Variants in FMN1 observed in about 807,000 individuals in gnomAD.
The protein encoded by FMN1 is formin 1.
A neutral mutation model predicts 132.4 loss-of-function variants in FMN1; 110 were observed. That is an observed-to-expected ratio of 0.83 (90% CI 0.71 to 0.97). FMN1 has a LOEUF of 0.97. FMN1 is among the 50% of genes least tolerant of loss of function. FMN1 has a pLI of 0.00. For synonymous variants in FMN1, 722 were observed against 651.7 expected, an observed-to-expected ratio of 1.11 and a Z score of -1.64; for missense variants, 1,792 against 1,705.3, an observed-to-expected ratio of 1.05 and a Z score of -0.90.
At chr15:32,961,454 A>G (rs1172387494) in intron 9 of FMN1, among the ~76,000 whole-genome samples, 1 of 152,058 alleles carries the variant, frequency 6.6e-6, no homozygotes, top group Admixed American at 6.6e-5. Flanking sequence ...TTTTATAGAG[A>G]AGGGAAAATA....
intron 4 of FMN1, among the ~76,000 whole-genome samples, chr15:33,138,340 C>A (rs1963862157): frequency 6.6e-6 from 1 of 152,104 alleles, no homozygotes; most frequent in African/African-American, 2.4e-5. Context: ...GCAGCTGTTG[C>A]TCCTTATCCT....
At chr15:33,105,804 G>A (rs1256621070) in intron 4 of FMN1, 2 of 137,748 alleles carry the variant, frequency 1.5e-5, no homozygotes, top group Non-Finnish European at 3.1e-5. Flanking sequence ...TGTTGTAATA[G>A]GACAAGAAAA....
At position 32,876,298 on chromosome 15, in the gene FMN1, T is replaced by C. The variant is rs115058415; in HGVS notation, c.3835+11874A>G. On this transcript the variant is annotated intron_variant, in intron 16 of 20. Transcript: ENST00000616417. ...TGTCAAAAGGTACTATTTCTATAAG[T>C]TTTAATGAAAGAAGCTAAAATATTG... Among the ~76,000 whole-genome samples the C allele has an allele frequency of 1.3e-3, 203 of 152,286 alleles. 1 individual carries two copies. The highest frequency in any genetic ancestry group is 4.7e-3 in the African/African-American group (194 of 41,562).
At chr15:33,042,050 G>T (rs1210448050) in intron 6 of FMN1, among the ~76,000 whole-genome samples, 1 of 151,852 alleles carries the variant, frequency 6.6e-6, no homozygotes, top group Non-Finnish European at 1.5e-5. Flanking sequence ...AAAATCCAAT[G>T]CTCTCCATTG....
At chr15:33,043,210 T>G (rs1308210733) in intron 6 of FMN1, among the ~76,000 whole-genome samples, 3 of 152,236 alleles carry the variant, frequency 2.0e-5, no homozygotes, top group African/African-American at 4.8e-5. Flanking sequence ...TCAACAACTG[T>G]TAAATCAACT....
At chr15:32,993,284 A>T (rs2033554861) in intron 7 of FMN1, among the ~76,000 whole-genome samples, 1 of 151,306 alleles carries the variant, frequency 6.6e-6, no homozygotes, top group South Asian at 2.1e-4. Context: ...ATGCAGTTCA[A>T]CTTATAAACT....
At chr15:32,962,613 C>T (rs1596352412) in intron 9 of FMN1, among the ~76,000 whole-genome samples, 3 of 151,030 alleles carry the variant, frequency 2.0e-5, no homozygotes, top group East Asian at 1.9e-4. Flanking sequence ...GGCTAATATC[C>T]AGAATCTACA....
At chr15:33,179,334 G>T (rs1176539734) in intron 3 of FMN1, among the ~76,000 whole-genome samples, 1 of 152,042 alleles carries the variant, frequency 6.6e-6, no homozygotes, top group African/African-American at 2.4e-5. Flanking sequence ...ATGAAATGTT[G>T]ATCCATCCCT....
intron 16 of FMN1, among the ~76,000 whole-genome samples, chr15:32,862,957 T>C (rs894641477): frequency 6.6e-6 from 1 of 152,206 alleles, no homozygotes; most frequent in Non-Finnish European, 1.5e-5. Flanking sequence ...ACAAGATCCA[T>C]GTCCTGTTCA....
chr15:32,931,921 T>A (rs1291694011), intron 9 of FMN1, among the ~76,000 whole-genome samples: 1 of 152,212 alleles, frequency 6.6e-6, no homozygotes, highest in African/African-American at 2.4e-5. Context: ...TTGATGAGTT[T>A]TTATCAGAAA....
chr15:32,818,449 GATT>G, intron 17 of FMN1, among the ~76,000 whole-genome samples: 1 of 152,180 alleles, frequency 6.6e-6, no homozygotes, highest in East Asian at 1.9e-4. Flanking sequence ...GTTTATGAAG[GATT>G]ATTAAAATAT....
At chr15:33,020,671 T>C (rs1257039703) in intron 6 of FMN1, among the ~76,000 whole-genome samples, 4 of 148,554 alleles carry the variant, frequency 2.7e-5, no homozygotes, top group African/African-American at 7.7e-5. Flanking sequence ...CTATGCTTAG[T>C]TAGCCTCTTT....
chr15:32,967,655 AC>A (rs2031369304), intron 8 of FMN1, among the ~76,000 whole-genome samples: 1 of 152,234 alleles, frequency 6.6e-6, no homozygotes, highest in Admixed American at 6.5e-5. Context: ...TGTTCCAAAA[AC>A]AAACTCTTGG....
chr15:32,993,699 A>G (rs2033583196), intron 7 of FMN1, among the ~76,000 whole-genome samples: 1 of 152,094 alleles, frequency 6.6e-6, no homozygotes, highest in Admixed American at 6.5e-5. Context: ...ACAAGCAACA[A>G]TGACAGTTTT....
At chr15:33,118,141 C>A (rs562062493) in intron 4 of FMN1, among the ~76,000 whole-genome samples, 54 of 152,290 alleles carry the variant, frequency 3.5e-4, no homozygotes, top group African/African-American at 1.3e-3. Flanking sequence ...TGCCAATACA[C>A]CACAAAATGT....
rs138135553 is a variant in FMN1 at position 32,793,500 on chromosome 15, T to C, written c.4130+5304A>G. On this transcript the variant is annotated intron_variant, in intron 19 of 20. Transcript: ENST00000616417. ...TTCACCATGTTGGCCAGGCTGATCT[T>C]GAACGCCTGACCTCAGGTCATCCAC... 7.4e-3 allele frequency among the ~76,000 whole-genome samples: 1,123 copies of C among 152,248 alleles called. 14 individuals carry two copies. The highest frequency in any genetic ancestry group is 0.026 in the African/African-American group (1,065 of 41,556).
chr15:33,106,933 A>AT (rs1393518258), intron 4 of FMN1, among the ~76,000 whole-genome samples: 2 of 152,026 alleles, frequency 1.3e-5, no homozygotes, highest in Non-Finnish European at 2.9e-5. Flanking sequence ...TTTAAATATC[A>AT]TCTCAGCTCT....
At chr15:33,041,774 G>A (rs934069593) in intron 6 of FMN1, among the ~76,000 whole-genome samples, 2 of 152,080 alleles carry the variant, frequency 1.3e-5, no homozygotes, top group Non-Finnish European at 2.9e-5. Context: ...ATAAATGAGG[G>A]AAGATGGAAG....
intron 14 of FMN1, 44 bp from the exon 15 acceptor site, chr15:32,898,937 A>C: frequency 7.6e-7 from 1 of 1,312,780 alleles, no homozygotes; most frequent in Non-Finnish European, 1.1e-6. Flanking sequence ...TTCCCATGAG[A>C]CTGTCATGTT....
Sources: allele counts gnomAD v4.1 joint callset (sites outside exome capture counted in the v4.1 genomes callset), GRCh38; gene constraint gnomAD v4.1.1; transcripts MANE v1.5; gene names NCBI Gene and HGNC (gene_info 2026-07-23, HGNC 2026-07-21).